Variants in HDAC9 observed in about 807,000 individuals in gnomAD.
HDAC9 encodes the protein MEF-2 interacting transcription repressor (MITR) protein.
A neutral mutation model predicts 139.4 loss-of-function variants in HDAC9; 41 were observed. The observed-to-expected ratio is 0.29, with a 90% CI of 0.23 to 0.38. The LOEUF is 0.38. Ranked by LOEUF, HDAC9 falls within the 10% of genes least tolerant of loss-of-function variation. The probability of loss-of-function intolerance (pLI) is 1.00; values close to 1 mark genes in which losing one functional copy is unlikely to be tolerated. For synonymous variants in HDAC9, 517 were observed against 476.2 expected, an observed-to-expected ratio of 1.09 and a Z score of -1.12; for missense variants, 1,147 against 1,297.0, an observed-to-expected ratio of 0.88 and a Z score of 1.78.
At chr7:18,987,061 C>A (rs548175063) in intron 25 of HDAC9, among the ~76,000 whole-genome samples, 1 of 152,186 alleles carries the variant, frequency 6.6e-6, no homozygotes, top group African/African-American at 2.4e-5. Context: ...CCCTTTATTT[C>A]CTTCTCCTGC....
intron 1 of HDAC9, among the ~76,000 whole-genome samples, chr7:18,451,364 T>A (rs1195525972): frequency 9.5e-6 from 1 of 104,788 alleles, no homozygotes; most frequent in African/African-American, 3.8e-5. Flanking sequence ...CACATGTATA[T>A]GTGCGTGTGT....
intron 22 of HDAC9, among the ~76,000 whole-genome samples, chr7:18,905,021 C>T (rs995478121): frequency 1.3e-5 from 2 of 152,096 alleles, no homozygotes; most frequent in African/African-American, 4.8e-5. Flanking sequence ...GCTTTAGCCT[C>T]CTGAGTAGCT....
chr7:18,949,839 G>A (rs1782669309), intron 23 of HDAC9: 1 of 151,812 alleles, frequency 6.6e-6, no homozygotes, highest in African/African-American at 2.4e-5. Context: ...AAACACACAG[G>A]ACAGAATCAC....
intron 2 of HDAC9, among the ~76,000 whole-genome samples, chr7:18,216,328 C>T (rs1792310944): frequency 6.6e-6 from 1 of 152,060 alleles, no homozygotes; most frequent in Non-Finnish European, 1.5e-5. Flanking sequence ...ATTAGATAAT[C>T]AGTAATATTA....
chr7:18,775,435 C>T (rs1027016495), intron 16 of HDAC9, among the ~76,000 whole-genome samples: 5 of 151,984 alleles, frequency 3.3e-5, no homozygotes, highest in East Asian at 1.9e-4. Context: ...ATCTTCCTGA[C>T]GATCTGTAAG....
chr7:18,244,624 C>T (rs984792624), intron 2 of HDAC9, among the ~76,000 whole-genome samples: 15 of 152,026 alleles, frequency 9.9e-5, no homozygotes, highest in East Asian at 3.9e-4. Context: ...TGGTGAAACC[C>T]TATCTCTACT....
At position 18,116,271 on chromosome 7, in the gene HDAC9, A is replaced by T. The variant is rs117907340; in HGVS notation, c.-97+29058A>T. ...TATATTAGAAAAATTCCAGAATGAG[A>T]AATTGGACACAAATTCTAGCAATTG... On this transcript the variant is annotated intron_variant, in intron 1 of 12. Transcript: ENST00000417496. 8.5e-3 allele frequency among the ~76,000 whole-genome samples: 1,291 copies of T among 152,324 alleles called. 8 individuals carry two copies. Among genetic ancestry groups the T allele is most frequent in the Non-Finnish European group, 0.013 (890 of 68,028 alleles).
chr7:18,134,967 T>G (rs1353465569), intron 1 of HDAC9, among the ~76,000 whole-genome samples: 2 of 152,214 alleles, frequency 1.3e-5, no homozygotes, highest in Non-Finnish European at 2.9e-5. Flanking sequence ...TTACGAATAT[T>G]CACTATAGAT....
chr7:18,548,425 A>G (rs922295137), intron 2 of HDAC9, among the ~76,000 whole-genome samples: 2 of 152,244 alleles, frequency 1.3e-5, no homozygotes, highest in African/African-American at 4.8e-5. Context: ...ACACTTGCTC[A>G]AAGCCGAGTT....
intron 2 of HDAC9, among the ~76,000 whole-genome samples, chr7:18,257,369 ACTCTCTCTCT>A (rs146860772): frequency 1.8e-5 from 2 of 110,226 alleles, no homozygotes; most frequent in Admixed American, 9.9e-5. Flanking sequence ...TGTCTCTCTG[ACTCTCTCTCT>A]CTCTCTCTCT....
rs375750930 is a variant in HDAC9 at position 18,277,928 on chromosome 7, A to G, written c.25+115579A>G. Among the ~76,000 whole-genome samples the G allele has an allele frequency of 2.8e-4, 43 of 152,302 alleles. No homozygotes were observed. The East Asian group carries it at 7.9e-3, about 28-fold the overall frequency. On this transcript the variant is annotated intron_variant, in intron 2 of 12. Coordinates refer to the HDAC9 transcript ENST00000417496. The stretch of plus-strand genomic sequence containing the variant: ...AGATCAAGTTTTAAAAAAACTTGTT[A>G]TCGTTTAGCTTTATGCAACTAATTA...
At chr7:18,361,879 G>A (rs1003867140) in intron 1 of HDAC9, among the ~76,000 whole-genome samples, 7 of 151,484 alleles carry the variant, frequency 4.6e-5, no homozygotes, top group Non-Finnish European at 8.8e-5. Flanking sequence ...GAGACTCACC[G>A]TCAGTACATG....
At chr7:18,255,181 A>G (rs937076485) in intron 2 of HDAC9, among the ~76,000 whole-genome samples, 2 of 152,196 alleles carry the variant, frequency 1.3e-5, no homozygotes, top group African/African-American at 4.8e-5. Flanking sequence ...CAGGATATTA[A>G]CAAAAAGCAG....
At chr7:18,735,760 A>G (rs1233398137) in intron 13 of HDAC9, among the ~76,000 whole-genome samples, 1 of 152,168 alleles carries the variant, frequency 6.6e-6, no homozygotes, top group Non-Finnish European at 1.5e-5. Context: ...AGTTTTTCCA[A>G]TTCTGTGAAG....
Position 18,217,334 on chromosome 7 carries a change from T to G in HDAC9, c.25+54985T>G, listed in dbSNP as rs1792387400. Reference sequence around the variant, plus strand: ...TGCCTTTTGTTTTCCTCTTTTTTCCTTCTCCAAATACTTTTGGCTTTATTT... The same window carrying G: ...TGCCTTTTGTTTTCCTCTTTTTTCCGTCTCCAAATACTTTTGGCTTTATTT... On this transcript the variant is annotated intron_variant, in intron 2 of 12. Transcript: ENST00000417496. Among the ~76,000 whole-genome samples, 2 of 152,254 alleles carry G rather than the reference T, an allele frequency of 1.3e-5. 1 individual carries two copies. Among genetic ancestry groups the G allele is most frequent in the South Asian group, 4.1e-4 (2 of 4,828 alleles).
chr7:18,946,188 C>A (rs1232897701), intron 23 of HDAC9, among the ~76,000 whole-genome samples: 1 of 150,558 alleles, frequency 6.6e-6, no homozygotes, highest in Non-Finnish European at 1.5e-5. Flanking sequence ...ACTGTCTTAA[C>A]TACTGTAGTT....
At chr7:18,528,714 A>G (rs1385201892) in intron 2 of HDAC9, among the ~76,000 whole-genome samples, 2 of 152,196 alleles carry the variant, frequency 1.3e-5, no homozygotes, top group East Asian at 1.9e-4. Flanking sequence ...TGAATTTTAT[A>G]GTAGTGATAG....
intron 23 of HDAC9, among the ~76,000 whole-genome samples, chr7:18,945,618 A>AT (rs1360720336): frequency 1.3e-5 from 2 of 152,074 alleles, no homozygotes; most frequent in African/African-American, 4.8e-5. Context: ...TGAAAGGTTT[A>AT]TTTTTTGACT....
intron 2 of HDAC9, among the ~76,000 whole-genome samples, chr7:18,201,863 C>A (rs1211461752): frequency 2.0e-5 from 3 of 152,120 alleles, no homozygotes; most frequent in African/African-American, 7.2e-5. Flanking sequence ...TCAGCCTAGG[C>A]AACTGATTAT....
Sources: gnomAD v4.1 joint callset for allele counts (sites outside exome capture counted in the v4.1 genomes callset) on GRCh38, gnomAD v4.1.1 for gene constraint, MANE v1.5 for transcripts, NCBI Gene and HGNC (gene_info 2026-07-23, HGNC 2026-07-21) for gene names.